The following AGBL1 variants were observed in gnomAD, a reference collection of about 807,000 sequenced individuals.
AGBL1 encodes cytosolic carboxypeptidase 4.
Under a neutral mutation model 118.9 loss-of-function variants are expected in AGBL1, and 130 were observed. The ratio of observed to expected loss-of-function variants is 1.09; its 90% CI spans 0.95 to 1.26. The LOEUF (loss-of-function observed/expected upper bound fraction) is 1.26. Ranked by LOEUF, AGBL1 falls within the 50% of genes most tolerant of loss-of-function variation. The pLI is 0.00. For missense variants in AGBL1, 1,584 were observed against 1,298.1 expected (o/e 1.22, Z -3.38); for synonymous variants, 555 against 478.9 (o/e 1.16, Z -2.08).
At chr15:87,013,511 T>A (rs2081582055) in intron 24 of AGBL1, among the ~76,000 whole-genome samples, 1 of 133,492 alleles carries the variant, frequency 7.5e-6, no homozygotes. Context: ...TAATAATCTA[T>A]TTTTTCTTTT....
At chr15:86,642,348 A>G (rs972041560) in intron 21 of AGBL1, among the ~76,000 whole-genome samples, 54 of 152,072 alleles carry the variant, frequency 3.6e-4, no homozygotes, top group Non-Finnish European at 1.8e-4. Flanking sequence ...TTTTCTTTTT[A>G]TGGTTAATAG....
chr15:86,726,757 G>A (rs1158464715), intron 22 of AGBL1, among the ~76,000 whole-genome samples: 2 of 152,034 alleles, frequency 1.3e-5, no homozygotes, highest in African/African-American at 4.8e-5. Context: ...TTCTCACTAT[G>A]TTGCTAAGGC....
intron 19 of AGBL1, among the ~76,000 whole-genome samples, chr15:86,533,047 G>A (rs1420398096): frequency 4.1e-5 from 4 of 97,974 alleles, no homozygotes; most frequent in Admixed American, 8.9e-5. Context: ...GGACATAGGT[G>A]TGGGCAAGGA....
chr15:86,749,372 C>T lies in AGBL1; in HGVS notation c.3158+74936C>T, dbSNP rs182149771. 1.9e-3 allele frequency among the ~76,000 whole-genome samples: 291 copies of T among 152,242 alleles called. 1 individual carries two copies. Among genetic ancestry groups the T allele is most frequent in the African/African-American group, 6.7e-3 (279 of 41,546 alleles). ...TGCACATTGATTTTGTATCCTGAGA[C>T]TTTGCTGAAGTTGCTTATCAGCTTA... On this transcript the variant is annotated intron_variant, in intron 22 of 22. Transcript: ENST00000614907.
chr15:86,263,423 T>C (rs2079024555), intron 10 of AGBL1, among the ~76,000 whole-genome samples: 1 of 152,240 alleles, frequency 6.6e-6, no homozygotes, highest in African/African-American at 2.4e-5. Context: ...AATCACCTGA[T>C]GATGCATTTC....
chr15:86,564,240 A>G (rs914026905), intron 21 of AGBL1, among the ~76,000 whole-genome samples: 4 of 152,126 alleles, frequency 2.6e-5, no homozygotes, highest in Non-Finnish European at 2.9e-5. Flanking sequence ...GGTCTTTACA[A>G]TTTGGCACGT....
At chr15:86,800,022 G>C (rs973268654) in intron 22 of AGBL1, among the ~76,000 whole-genome samples, 2 of 152,100 alleles carry the variant, frequency 1.3e-5, no homozygotes, top group African/African-American at 4.8e-5. Context: ...AGAGCGTCAA[G>C]TGGTTTTTCA....
intron 23 of AGBL1, among the ~76,000 whole-genome samples, chr15:86,982,890 G>A (rs926472551): frequency 1.3e-5 from 2 of 152,088 alleles, no homozygotes; most frequent in Non-Finnish European, 2.9e-5. Flanking sequence ...GGGAAAAGCG[G>A]CACCCCTCAT....
intron 18 of AGBL1, among the ~76,000 whole-genome samples, chr15:86,472,076 G>C (rs1043609838): frequency 6.6e-6 from 1 of 152,208 alleles, no homozygotes; most frequent in Non-Finnish European, 1.5e-5. Flanking sequence ...GTCACCAGGA[G>C]CTGGCAGCAG....
chr15:86,295,563 A>T (rs1166601056), intron 17 of AGBL1, 155 bp downstream of exon 17: 2 of 662,110 alleles, frequency 3.0e-6, no homozygotes, highest in East Asian at 3.0e-5. Context: ...TTGGTGTGAC[A>T]CAAAGGTTAA....
chr15:86,384,880 C>A (rs2081161384), intron 17 of AGBL1, among the ~76,000 whole-genome samples: 1 of 152,106 alleles, frequency 6.6e-6, no homozygotes. Context: ...AAGAAGGCAG[C>A]AAAACAGAAT....
chr15:86,733,403 A>T (rs1283994146), intron 22 of AGBL1, among the ~76,000 whole-genome samples: 1 of 152,168 alleles, frequency 6.6e-6, no homozygotes, highest in Non-Finnish European at 1.5e-5. Context: ...CAGTCTAATC[A>T]TTCAAATGCT....
chr15:86,504,453 A>G (rs539602877), intron 18 of AGBL1, among the ~76,000 whole-genome samples: 4 of 151,656 alleles, frequency 2.6e-5, no homozygotes, highest in Admixed American at 2.0e-4. Context: ...TCATTTTGCT[A>G]TCAGTTTTCC....
chr15:86,936,961 A>T lies in AGBL1; in HGVS notation c.3222-51026A>T, dbSNP rs539627386. ...GGAACTTATATAAATTTATGAAAGG[A>T]AACATACAACCCCATTAAAAAGTGG... On this transcript the variant is annotated intron_variant, in intron 23 of 24. Coordinates refer to the AGBL1 transcript ENST00000441037. Among the ~76,000 whole-genome samples the T allele has an allele frequency of 1.8e-3, 271 of 152,332 alleles. 1 individual carries two copies. The highest frequency in any genetic ancestry group is 3.2e-3 in the Non-Finnish European group (219 of 68,026).
chr15:86,738,889 A>G (rs1047297427), intron 22 of AGBL1, among the ~76,000 whole-genome samples: 2 of 152,142 alleles, frequency 1.3e-5, no homozygotes, highest in Non-Finnish European at 2.9e-5. Context: ...CTGTAATCTC[A>G]ACAGTTTGGG....
chr15:86,787,374 T>C (rs2141322087), intron 22 of AGBL1, among the ~76,000 whole-genome samples: 1 of 152,236 alleles, frequency 6.6e-6, no homozygotes, highest in Admixed American at 6.5e-5. Flanking sequence ...CTAGACTTAC[T>C]CATTCTATGT....
intron 21 of AGBL1, among the ~76,000 whole-genome samples, chr15:86,643,799 G>C (rs750286090): frequency 1.3e-5 from 2 of 151,984 alleles, no homozygotes; most frequent in Non-Finnish European, 2.9e-5. Flanking sequence ...TATTTATGCA[G>C]GTTTACATTT....
intron 18 of AGBL1, among the ~76,000 whole-genome samples, chr15:86,418,977 A>G (rs2081743764): frequency 6.6e-6 from 1 of 152,164 alleles, no homozygotes; most frequent in Non-Finnish European, 1.5e-5. Context: ...CATTGACTTA[A>G]TGCTCTGTAG....
intron 11 of AGBL1, among the ~76,000 whole-genome samples, chr15:86,265,227 C>T: frequency 6.6e-6 from 1 of 152,290 alleles, no homozygotes; most frequent in East Asian, 1.9e-4. Flanking sequence ...TTGCTTCCTA[C>T]AAATTGATAG....
Sources: allele counts gnomAD v4.1 joint callset (sites outside exome capture counted in the v4.1 genomes callset), GRCh38; gene constraint gnomAD v4.1.1; transcripts MANE v1.5; gene names NCBI Gene and HGNC (gene_info 2026-07-23, HGNC 2026-07-21).